RAB3C: variants seen among roughly 807,000 people sequenced by gnomAD.
RAB3C encodes the protein RAB3C, member RAS oncogene family.
In RAB3C, 17 loss-of-function variants were observed where a neutral mutation model predicts 26.4. That is an observed-to-expected ratio of 0.64 (90% CI 0.44 to 0.97). The LOEUF (loss-of-function observed/expected upper bound fraction) is 0.97, where lower values mean the gene tolerates loss of function less well. Among genes scored for constraint, RAB3C ranks in the 50% least tolerant of loss-of-function variants. The pLI is 0.00. For missense variants in RAB3C, 242 were observed against 281.9 expected, an observed-to-expected ratio of 0.86 and a Z score of 1.01; for synonymous variants, 91 against 95.9, an observed-to-expected ratio of 0.95 and a Z score of 0.30.
chr5:58,848,131 C>T (rs1744044045), intron 4 of RAB3C, among the ~76,000 whole-genome samples: 1 of 152,202 alleles, frequency 6.6e-6, no homozygotes, highest in African/African-American at 2.4e-5. Flanking sequence ...GCTGGGATTA[C>T]AGGCATGAGC....
At chr5:58,666,122 C>G (rs900979154) in intron 2 of RAB3C, among the ~76,000 whole-genome samples, 2 of 152,174 alleles carry the variant, frequency 1.3e-5, no homozygotes, top group Non-Finnish European at 2.9e-5. Context: ...GGTTCCAACA[C>G]ACAGGGGTAA....
At chr5:58,708,834 T>C (rs759631402) in intron 2 of RAB3C, among the ~76,000 whole-genome samples, 7 of 152,190 alleles carry the variant, frequency 4.6e-5, no homozygotes, top group Non-Finnish European at 7.3e-5. Context: ...GAAGCAGTGA[T>C]TTTTGTTAAC....
At chr5:58,776,490 G>A (rs1742145312) in intron 3 of RAB3C, among the ~76,000 whole-genome samples, 1 of 152,054 alleles carries the variant, frequency 6.6e-6, no homozygotes, top group Admixed American at 6.6e-5. Flanking sequence ...TGTTTGTTAA[G>A]CTTCAAACTC....
intron 2 of RAB3C, among the ~76,000 whole-genome samples, chr5:58,685,793 G>A (rs1303155220): frequency 1.3e-5 from 2 of 152,156 alleles, no homozygotes; most frequent in Non-Finnish European, 2.9e-5. Flanking sequence ...TAAGTTCCGT[G>A]TTCTCTAAGG....
At chr5:58,850,276 CTGGCAGCTCATT>C (rs1172982270) in intron 4 of RAB3C, among the ~76,000 whole-genome samples, 1 of 152,226 alleles carries the variant, frequency 6.6e-6, no homozygotes, top group Non-Finnish European at 1.5e-5. Context: ...TTAACAATCT[CTGGCAGCTCATT>C]TGAAATTTAC....
chr5:58,784,429 A>G (rs1363746990), intron 3 of RAB3C, among the ~76,000 whole-genome samples: 1 of 152,128 alleles, frequency 6.6e-6, no homozygotes, highest in African/African-American at 2.4e-5. Context: ...CAAGAACAAC[A>G]TGGGAAAGAT....
At chr5:58,837,114 A>AT (rs1743766915) in intron 4 of RAB3C, among the ~76,000 whole-genome samples, 3 of 152,168 alleles carry the variant, frequency 2.0e-5, no homozygotes, top group African/African-American at 7.2e-5. Context: ...TGTGGTTTTG[A>AT]TTCACATTTC....
At position 58,685,609 on chromosome 5, in the gene RAB3C, A is replaced by G. The variant is rs992654783; in HGVS notation, c.253-40393A>G. ...TGGGGTATTTTTCAGCCTGCAACAG[A>G]TAATAACTTCTTCTCTGAGAGAACT... On this transcript the variant is annotated intron_variant, in intron 2 of 4. Transcript: ENST00000282878. Among the ~76,000 whole-genome samples, 34 of 152,326 alleles carry G rather than the reference A, an allele frequency of 2.2e-4. 1 individual carries two copies. Among genetic ancestry groups the G allele is most frequent in the African/African-American group, 7.2e-5 (3 of 41,592 alleles).
At chr5:58,825,373 A>T (rs759889699) in intron 4 of RAB3C, among the ~76,000 whole-genome samples, 1 of 152,180 alleles carries the variant, frequency 6.6e-6, no homozygotes, top group African/African-American at 2.4e-5. Context: ...AGAAGCAAAA[A>T]TGATACTCAG....
At chr5:58,673,683 A>G (rs1166629108) in intron 2 of RAB3C, among the ~76,000 whole-genome samples, 2 of 152,130 alleles carry the variant, frequency 1.3e-5, no homozygotes, top group African/African-American at 4.8e-5. Flanking sequence ...TGTGGTGTGA[A>G]TGTGGTGGTT....
intron 3 of RAB3C, among the ~76,000 whole-genome samples, chr5:58,793,276 T>TG (rs1382276266): frequency 1.3e-5 from 2 of 152,230 alleles, no homozygotes; most frequent in East Asian, 3.9e-4. Flanking sequence ...TAAGAATTCC[T>TG]GGCCGGGCGC....
intron 3 of RAB3C, among the ~76,000 whole-genome samples, chr5:58,745,280 C>T (rs1458816874): frequency 6.7e-6 from 1 of 150,248 alleles, no homozygotes; most frequent in East Asian, 2.0e-4. Context: ...TGCCTGTGGT[C>T]CCAGCTACTT....
intron 3 of RAB3C, among the ~76,000 whole-genome samples, chr5:58,782,173 A>T (rs1009191243): frequency 6.6e-6 from 1 of 152,134 alleles, no homozygotes; most frequent in Non-Finnish European, 1.5e-5. Context: ...ATGAATGGGA[A>T]GCGGAATACA....
At chr5:58,762,526 C>T (rs962609327) in intron 3 of RAB3C, among the ~76,000 whole-genome samples, 3 of 152,066 alleles carry the variant, frequency 2.0e-5, no homozygotes, top group African/African-American at 7.2e-5. Context: ...AACCCCATCT[C>T]TACTAAAAAT....
At chr5:58,792,277 C>T (rs540407519) in intron 3 of RAB3C, among the ~76,000 whole-genome samples, 5 of 152,244 alleles carry the variant, frequency 3.3e-5, no homozygotes, top group South Asian at 2.1e-4. Flanking sequence ...TGGAATACTT[C>T]CAGGAATTAA....
At chr5:58,742,332 C>T (rs1454628178) in intron 3 of RAB3C, among the ~76,000 whole-genome samples, 2 of 151,850 alleles carry the variant, frequency 1.3e-5, no homozygotes, top group Non-Finnish European at 2.9e-5. Flanking sequence ...CATCAAAACA[C>T]CCATGTCAAA....
chr5:58,617,551 A>G, intron 1 of RAB3C, 92 bp from the exon 2 acceptor site: 1 of 1,023,236 alleles, frequency 9.8e-7, no homozygotes, highest in Non-Finnish European at 1.6e-6. Context: ...TGTTTCTGGC[A>G]AGGCCAATAA....
intron 4 of RAB3C, among the ~76,000 whole-genome samples, chr5:58,833,583 G>T (rs1163289152): frequency 1.3e-5 from 2 of 152,084 alleles, no homozygotes; most frequent in East Asian, 3.9e-4. Context: ...GAGGTACCTG[G>T]CCTGAGTAAC....
At chr5:58,833,324 T>TCACACACACACACACACACACACACA (rs571940681) in intron 4 of RAB3C, among the ~76,000 whole-genome samples, 20 of 141,154 alleles carry the variant, frequency 1.4e-4, no homozygotes, top group Admixed American at 5.8e-4. Flanking sequence ...ACGGACCCCA[T>TCACACACACACACACACACACACACA]CACACACACA....
Sources: allele counts gnomAD v4.1 joint callset (sites outside exome capture counted in the v4.1 genomes callset), GRCh38; gene constraint gnomAD v4.1.1; transcripts MANE v1.5; gene names NCBI Gene and HGNC (gene_info 2026-07-23, HGNC 2026-07-21).